The following CNTN4 variants were observed in gnomAD, a reference collection of about 807,000 sequenced individuals.
CNTN4 encodes the protein contactin-4.
Under a neutral mutation model 122.5 loss-of-function variants are expected in CNTN4, and 77 were observed. The ratio of observed to expected loss-of-function variants is 0.63; its 90% CI spans 0.52 to 0.76. The LOEUF (loss-of-function observed/expected upper bound fraction) is 0.76. CNTN4 is among the 30% of genes least tolerant of loss of function. The pLI is 0.00. For missense variants in CNTN4, 1,256 were observed against 1,259.1 expected, an observed-to-expected ratio of 1.00 and a Z score of 0.04; for synonymous variants, 512 against 447.0, an observed-to-expected ratio of 1.15 and a Z score of -1.83.
At chr3:2,116,025 T>C (rs544063233) in intron 2 of CNTN4, among the ~76,000 whole-genome samples, 1 of 152,338 alleles carries the variant, frequency 6.6e-6, no homozygotes, top group African/African-American at 2.4e-5. Context: ...TGCTTTATAG[T>C]AACCTGCATG....
chr3:2,582,134 G>A (rs563178288), intron 4 of CNTN4, among the ~76,000 whole-genome samples: 1 of 152,252 alleles, frequency 6.6e-6, no homozygotes, highest in South Asian at 2.1e-4. Context: ...TTAAAAGGCT[G>A]AATTGTATGA....
chr3:2,436,932 T>G (rs924889918), intron 3 of CNTN4, among the ~76,000 whole-genome samples: 2 of 151,768 alleles, frequency 1.3e-5, no homozygotes, highest in East Asian at 3.9e-4. Context: ...AGAATATACC[T>G]TAGAACTATA....
intron 4 of CNTN4, among the ~76,000 whole-genome samples, chr3:2,620,556 G>C (rs1274011734): frequency 6.6e-6 from 1 of 151,896 alleles, no homozygotes; most frequent in African/African-American, 2.4e-5. Context: ...TATAGAATAG[G>C]TTATATCATA....
chr3:2,108,842 T>C (rs1041817599), intron 2 of CNTN4, among the ~76,000 whole-genome samples: 10 of 152,216 alleles, frequency 6.6e-5, no homozygotes, highest in Admixed American at 6.6e-4. Flanking sequence ...AGCAGGACAG[T>C]GCCCAAATCC....
At chr3:2,521,073 C>A (rs1007635080) in intron 3 of CNTN4, among the ~76,000 whole-genome samples, 11 of 152,192 alleles carry the variant, frequency 7.2e-5, no homozygotes, top group Admixed American at 6.6e-4. Context: ...TCCCTATTTT[C>A]ACTACTTCTT....
chr3:2,312,022 GT>G (rs995943770), intron 2 of CNTN4, among the ~76,000 whole-genome samples: 6 of 151,162 alleles, frequency 4.0e-5, no homozygotes, highest in South Asian at 2.1e-4. Context: ...AAAAGTGAGA[GT>G]TTTTTTTTGA....
chr3:2,183,997 G>T (rs1190545854), intron 2 of CNTN4, among the ~76,000 whole-genome samples: 1 of 151,382 alleles, frequency 6.6e-6, no homozygotes, highest in Non-Finnish European at 1.5e-5. Context: ...TTTGAGACGT[G>T]GTCTCGCTCT....
intron 3 of CNTN4, among the ~76,000 whole-genome samples, chr3:2,415,520 G>A (rs559952871): frequency 1.3e-5 from 2 of 152,218 alleles, no homozygotes; most frequent in South Asian, 2.1e-4. Flanking sequence ...GATGTAATGG[G>A]TCATTTTATA....
intron 7 of CNTN4, among the ~76,000 whole-genome samples, chr3:2,839,084 AT>A (rs1483423600): frequency 1.6e-4 from 25 of 152,300 alleles, no homozygotes; most frequent in African/African-American, 5.8e-4. Context: ...ACAAAAAAAA[AT>A]CTTGACATAC....
chr3:2,472,532 C>T (rs1242328805), intron 3 of CNTN4, among the ~76,000 whole-genome samples: 1 of 152,096 alleles, frequency 6.6e-6, no homozygotes, highest in Non-Finnish European at 1.5e-5. Context: ...AGTCACTGCA[C>T]CTGGCCTCAA....
chr3:2,280,653 A>G (rs2041681305), intron 2 of CNTN4, among the ~76,000 whole-genome samples: 1 of 152,216 alleles, frequency 6.6e-6, no homozygotes, highest in Non-Finnish European at 1.5e-5. Context: ...AAAATACCAC[A>G]ATAAAAAAGG....
intron 3 of CNTN4, among the ~76,000 whole-genome samples, chr3:2,353,768 G>A (rs1028617208): frequency 3.3e-5 from 5 of 152,026 alleles, no homozygotes; most frequent in Admixed American, 2.0e-4. Flanking sequence ...GTGTGGTGGC[G>A]GGCGCCTGTG....
intron 2 of CNTN4, among the ~76,000 whole-genome samples, chr3:2,124,252 G>T (rs1574881806): frequency 6.6e-6 from 1 of 152,138 alleles, no homozygotes; most frequent in East Asian, 1.9e-4. Flanking sequence ...GGAATAAGAT[G>T]CCAGCATCAA....
Position 2,360,592 on chromosome 3 carries a change from C to G in CNTN4, c.-89+21359C>G, listed in dbSNP as rs558249579. Among the ~76,000 whole-genome samples the G allele has an allele frequency of 1.4e-4, 21 of 152,222 alleles. 2 individuals carry two copies. The South Asian group carries it at 4.2e-3, about 30-fold the overall frequency. Reference sequence around the variant, plus strand: ...AAAGAGGCTTAATTAACTCACAGTTCAACATGGCTGGGGAGGCCTCAGGAA... The same window carrying G: ...AAAGAGGCTTAATTAACTCACAGTTGAACATGGCTGGGGAGGCCTCAGGAA... On this transcript the variant is annotated intron_variant, in intron 3 of 24. Coordinates refer to ENST00000418658, the MANE Select transcript of CNTN4 (RefSeq NM_175607.3).
rs537445615 is a variant in CNTN4 at position 3,021,568 on chromosome 3, A to G, written c.1487-4534A>G. Among the ~76,000 whole-genome samples the G allele has an allele frequency of 2.0e-5, 3 of 152,342 alleles. No individual in the cohort carries two copies. The South Asian group carries it at 6.2e-4, about 32-fold the overall frequency. ...GGCATCATCAAAACCATTAGAGTCA[A>G]GAAATTTGTTAACAAAAGGGATGTG... On this transcript the variant is annotated intron_variant, in intron 14 of 24. Coordinates refer to ENST00000418658, the MANE Select transcript of CNTN4 (RefSeq NM_175607.3).
At chr3:2,826,171 T>A (rs1268479034) in intron 7 of CNTN4, among the ~76,000 whole-genome samples, 2 of 152,170 alleles carry the variant, frequency 1.3e-5, no homozygotes, top group African/African-American at 2.4e-5. Flanking sequence ...GCAGAAAAAC[T>A]GGAAACATGT....
chr3:3,056,204 C>G lies in CNTN4; in HGVS notation c.3065C>G (p.Ala1022Gly). 2 of 1,613,584 alleles carry G rather than the reference C, an allele frequency of 1.2e-6. No homozygotes were observed. Among genetic ancestry groups the G allele is most frequent in the Non-Finnish European group, 1.7e-6 (2 of 1,179,470 alleles). The stretch of plus-strand genomic sequence containing the variant: ...AGTACAATAATGATTTCCCTCACAG[C>G]TAGGTCCAGTTTATGACAAAAGTTA... The part of the protein sequence containing the change: ...AISTIMISLT[A>G]RSSL The change falls in exon 25 of 25, where the codon GCT becomes GGT. Residue 1022 changes from alanine to glycine, a missense_variant. Transcript: ENST00000418658.
At chr3:2,369,734 C>A (rs911308510) in intron 3 of CNTN4, among the ~76,000 whole-genome samples, 2 of 151,824 alleles carry the variant, frequency 1.3e-5, no homozygotes, top group Non-Finnish European at 2.9e-5. Context: ...GAAGCAGAGC[C>A]CTGCATTGCA....
intron 4 of CNTN4, among the ~76,000 whole-genome samples, chr3:2,674,944 A>C (rs1031408878): frequency 6.6e-6 from 1 of 152,170 alleles, no homozygotes; most frequent in Non-Finnish European, 1.5e-5. Context: ...CATATGATTA[A>C]TTGCTTTAGT....
Sources: allele counts gnomAD v4.1 joint callset (sites outside exome capture counted in the v4.1 genomes callset), GRCh38; gene constraint gnomAD v4.1.1; transcripts MANE v1.5; gene names NCBI Gene and HGNC (gene_info 2026-07-23, HGNC 2026-07-21).